PMP22: variants seen among roughly 807,000 people sequenced by gnomAD.
PMP22 encodes peripheral myelin protein 22, also known as Charcot-Marie-Tooth neuropathy 1A (greatly reduced nerve conduction velocity, hereditary motor sensory neuropathy Ia).
Under a neutral mutation model 18.9 loss-of-function variants are expected in PMP22, and 2 were observed. The ratio of observed to expected loss-of-function variants is 0.11; its 90% confidence interval spans 0.04 to 0.33. The LOEUF (loss-of-function observed/expected upper bound fraction) is 0.33, where lower values mean the gene tolerates loss of function less well. Among genes scored for constraint, PMP22 ranks in the 10% least tolerant of loss-of-function variants. The pLI, the probability that PMP22 is intolerant of heterozygous loss-of-function variation, is 1.00. For synonymous variants in PMP22, 95 were observed against 89.2 expected, an observed-to-expected ratio of 1.07 and a Z score of -0.37; for missense variants, 169 against 202.2, an observed-to-expected ratio of 0.84 and a Z score of 1.00.
intron 3 of PMP22, among the ~76,000 whole-genome samples, chr17:15,250,817 G>T (rs1027604892): frequency 6.6e-6 from 1 of 152,144 alleles, no homozygotes; most frequent in Non-Finnish European, 1.5e-5. Context: ...TGAGCTGTTT[G>T]TATTCTTAAC....
chr17:15,250,329 A>T (rs1908224149), intron 3 of PMP22, among the ~76,000 whole-genome samples: 1 of 151,886 alleles, frequency 6.6e-6, no homozygotes, highest in Non-Finnish European at 1.5e-5. Context: ...CATGCCCAAG[A>T]CTTAGCTCTG....
intron 4 of PMP22, among the ~76,000 whole-genome samples, chr17:15,235,961 T>A (rs1906770323): frequency 6.6e-6 from 1 of 152,066 alleles, no homozygotes; most frequent in African/African-American, 2.4e-5. Context: ...GGTTTCACCA[T>A]GTTGGCCGGG....
intron 3 of PMP22, among the ~76,000 whole-genome samples, chr17:15,246,685 T>C (rs1258567127): frequency 6.6e-6 from 1 of 152,246 alleles, no homozygotes; most frequent in Non-Finnish European, 1.5e-5. Flanking sequence ...ACTCAGTTCC[T>C]GGTGCAAAGT....
intron 3 of PMP22, among the ~76,000 whole-genome samples, chr17:15,243,909 G>A (rs939183467): frequency 1.3e-5 from 2 of 151,724 alleles, no homozygotes; most frequent in African/African-American, 4.8e-5. Flanking sequence ...AAAAGAATGG[G>A]ATGGAATAAG....
intron 3 of PMP22, among the ~76,000 whole-genome samples, chr17:15,256,529 T>C (rs1458632418): frequency 1.3e-5 from 2 of 152,054 alleles, no homozygotes; most frequent in Admixed American, 6.5e-5. Flanking sequence ...TAATCCCAGC[T>C]ACTCGGGAGG....
At chr17:15,257,408 C>T (rs1055876092) in intron 3 of PMP22, among the ~76,000 whole-genome samples, 72 of 152,226 alleles carry the variant, frequency 4.7e-4, no homozygotes, top group African/African-American at 1.6e-3. Context: ...TGCCCCCTTC[C>T]GGGCCCAAGA....
intron 3 of PMP22, among the ~76,000 whole-genome samples, chr17:15,247,092 G>A (rs1212848701): frequency 5.6e-5 from 8 of 143,302 alleles, no homozygotes; most frequent in Non-Finnish European, 7.5e-5. Flanking sequence ...AAAAAAGGCC[G>A]GGCGCCGTGG....
intron 3 of PMP22, among the ~76,000 whole-genome samples, chr17:15,257,469 G>A (rs1174146744): frequency 6.6e-6 from 1 of 152,300 alleles, no homozygotes; most frequent in East Asian, 1.9e-4. Flanking sequence ...TGGGGATGGC[G>A]CCTGTGAGCA....
chr17:15,253,314 TCA>T (rs988128695), intron 3 of PMP22, among the ~76,000 whole-genome samples: 16 of 152,184 alleles, frequency 1.1e-4, no homozygotes, highest in African/African-American at 3.9e-4. Context: ...CATAAAATGT[TCA>T]CAGTTATTTT....
intron 3 of PMP22, among the ~76,000 whole-genome samples, chr17:15,252,552 G>C (rs1277706368): frequency 2.6e-5 from 4 of 152,202 alleles, no homozygotes; most frequent in African/African-American, 9.7e-5. Context: ...GGGGCTGCAG[G>C]TACTGCCCTT....
At chr17:15,239,070 C>T (rs1907060189) in intron 4 of PMP22, among the ~76,000 whole-genome samples, 1 of 152,200 alleles carries the variant, frequency 6.6e-6, no homozygotes, top group Admixed American at 6.5e-5. Context: ...ACATCAGGGC[C>T]ATTTTCTGGA....
At chr17:15,235,119 C>T (rs912857174) in intron 4 of PMP22, 2 of 679,806 alleles carry the variant, frequency 2.9e-6, no homozygotes, top group African/African-American at 3.6e-5. Context: ...CACACCTGGC[C>T]CAAATCCTTT....
At chr17:15,260,948 ACCAGCGCCCAGTGC>A (rs982077740) in intron 1 of PMP22, 187 bp from the exon 2 acceptor site, 2 of 372,880 alleles carry the variant, frequency 5.4e-6, no homozygotes, top group Non-Finnish European at 9.4e-6. Flanking sequence ...CGCCTGCAGG[ACCAGCGCCCAGTGC>A]CCAGCGCCCA....
At chr17:15,252,362 C>T (rs374762402) in intron 3 of PMP22, among the ~76,000 whole-genome samples, 3 of 152,288 alleles carry the variant, frequency 2.0e-5, no homozygotes, top group African/African-American at 4.8e-5. Context: ...GATCTAATTC[C>T]TCACACAACC....
intron 3 of PMP22, among the ~76,000 whole-genome samples, chr17:15,247,433 G>A (rs113751075): frequency 0.021 from 3,150 of 152,276 alleles, 136 homozygotes; most frequent in African/African-American, 0.071. Flanking sequence ...GAGAGTGTCC[G>A]GTATAAGAGC....
chr17:15,252,408 C>T (rs111477790), intron 3 of PMP22, among the ~76,000 whole-genome samples: 1 of 27,674 alleles, frequency 3.6e-5, no homozygotes, highest in Non-Finnish European at 6.6e-5. Flanking sequence ...GCTGCTGCTG[C>T]TGCTGCTGCT....
intron 2 of PMP22, among the ~76,000 whole-genome samples, chr17:15,259,938 C>CAA (rs61415317): frequency 1.1e-4 from 11 of 97,826 alleles, no homozygotes; most frequent in Admixed American, 4.3e-4. Context: ...GACTCCATCT[C>CAA]AAAAAAAAAA....
At chr17:15,257,490 C>A (rs1008173630) in intron 3 of PMP22, among the ~76,000 whole-genome samples, 13 of 152,212 alleles carry the variant, frequency 8.5e-5, no homozygotes, top group Non-Finnish European at 1.5e-4. Context: ...CCAAAGCCTG[C>A]CCTTTTCGGG....
chr17:15,233,810 A>G (rs1906562458), intron 4 of PMP22, among the ~76,000 whole-genome samples: 2 of 152,340 alleles, frequency 1.3e-5, no homozygotes, highest in East Asian at 1.9e-4. Flanking sequence ...AGATGCCCCA[A>G]GAGCATAGAC....
Sources: gnomAD v4.1 joint callset for allele counts (sites outside exome capture counted in the v4.1 genomes callset) on GRCh38, gnomAD v4.1.1 for gene constraint, MANE v1.5 for transcripts, NCBI Gene and HGNC (gene_info 2026-07-23, HGNC 2026-07-21) for gene names.